The following MROH1 variants were observed in gnomAD, a reference collection of about 807,000 sequenced individuals.
MROH1 encodes maestro heat like repeat family member 1, also known as maestro heat-like repeat-containing protein family member 1.
In MROH1, 117 loss-of-function variants were observed where a neutral mutation model predicts 116.5. That is an observed-to-expected ratio of 1.00 (90% CI 0.86 to 1.17). The LOEUF (loss-of-function observed/expected upper bound fraction) is 1.17, where lower values mean the gene tolerates loss of function less well. MROH1 is among the 50% of genes most tolerant of loss of function. MROH1 has a pLI of 0.00. For missense variants in MROH1, 1,873 were observed against 1,338.5 expected (o/e 1.40, Z -6.23); for synonymous variants, 921 against 583.9 (o/e 1.58, Z -8.32).
At chr8:144,248,280 A>G (rs1842242298) in intron 31 of MROH1, among the ~76,000 whole-genome samples, 2 of 152,150 alleles carry the variant, frequency 1.3e-5, no homozygotes, top group African/African-American at 4.8e-5. Context: ...AAGCTTGAGT[A>G]TTATTAAAGT....
In MROH1 at chr8:144,260,392, G is replaced by C; in HGVS notation, c.4380+18G>C. The C allele has an allele frequency of 2.8e-6, 2 of 704,424 alleles. No homozygotes were observed. The highest frequency in any genetic ancestry group is 5.2e-6 in the Non-Finnish European group (2 of 385,298). 43.6% of individuals were successfully genotyped at this position (704,424 alleles called of 1,614,324 possible). A position where few individuals can be genotyped will look rare whatever the true frequency, so the allele number is the denominator to read the frequency against. Reference sequence around the variant, plus strand: ...TCGACAGTGTAGGCTGGTTGGGGCAGGGGGAGGGAAGAGGGCCCCAGCCCT... The same window carrying C: ...TCGACAGTGTAGGCTGGTTGGGGCACGGGGAGGGAAGAGGGCCCCAGCCCT... On this transcript the variant is annotated intron_variant, in intron 39 of 43. Transcript: ENST00000326134.
chr8:144,260,305 G>C lies in MROH1; in HGVS notation c.4311G>C (p.Leu1437=), dbSNP rs1031432376. 2.3e-5 allele frequency: 17 copies of C among 752,390 alleles called. No homozygotes were observed. Among genetic ancestry groups the C allele is most frequent in the African/African-American group, 2.2e-4 (13 of 58,674 alleles). The allele number at this position is 752,390 out of a possible 1,614,324, so 46.6% of individuals were successfully genotyped here. A position where few individuals can be genotyped will look rare whatever the true frequency, so the allele number is the denominator to read the frequency against. Residue 1437 remains leucine, a synonymous_variant, in exon 39 of 44, where the codon CTG becomes CTC. Coordinates refer to ENST00000326134, the MANE Select transcript of MROH1 (RefSeq NM_032450.3). ...TGGGCCTTGCGAGGCTGGTGCACCT[G>C]GTGGAGTCCTGGGACCTGCGCTCAG... ...AMLGLARLVH[L]VESWDLRSGL... is the part of the protein sequence containing the mutation.
intron 4 of MROH1, among the ~76,000 whole-genome samples, chr8:144,177,841 C>T (rs1258030607): frequency 6.6e-6 from 1 of 152,322 alleles, no homozygotes; most frequent in Admixed American, 6.5e-5. Context: ...CCTGCTTCTG[C>T]TTCATTTTCC....
At chr8:144,228,557 G>A (rs578178015) in intron 14 of MROH1, among the ~76,000 whole-genome samples, 1 of 152,232 alleles carries the variant, frequency 6.6e-6, no homozygotes, top group South Asian at 2.1e-4. Context: ...TCCACCTCCC[G>A]GGTTCAAGCA....
intron 39 of MROH1, 130 bp downstream of exon 39, chr8:144,260,504 C>T (rs939171507): frequency 5.9e-5 from 42 of 709,632 alleles, no homozygotes; most frequent in Admixed American, 4.9e-4. Flanking sequence ...GAGCGCGGAC[C>T]TGCAGGGCTG....
chr8:144,162,597 A>G (rs1819816222), intron 2 of MROH1, among the ~76,000 whole-genome samples: 1 of 150,802 alleles, frequency 6.6e-6, no homozygotes, highest in Non-Finnish European at 1.5e-5. Context: ...GTGTGTCACC[A>G]TGTTGGCCAG....
intron 1 of MROH1, among the ~76,000 whole-genome samples, chr8:144,155,244 C>T (rs1265018624): frequency 5.9e-5 from 9 of 152,166 alleles, no homozygotes; most frequent in African/African-American, 2.2e-4. Flanking sequence ...AGCCACCGCA[C>T]CCGGCCTCTC....
In MROH1 at chr8:144,238,648, C is replaced by T. The variant is rs1840445550; in HGVS notation, c.1339-108C>T. Reference sequence around the variant, plus strand: ...CTGTGGCAGGTGGTGCACATGTCTGCGTGACCTGCGGCGAGGCTCAGGGTC... The same window carrying T: ...CTGTGGCAGGTGGTGCACATGTCTGTGTGACCTGCGGCGAGGCTCAGGGTC... On this transcript the variant is annotated intron_variant, in intron 14 of 43. Transcript: ENST00000326134. 1.3e-5 allele frequency: 9 copies of T among 694,046 alleles called. No individual in the cohort carries two copies. The East Asian group carries it at 1.6e-4, about 12-fold the overall frequency. 43.0% of individuals were successfully genotyped at this position (694,046 alleles called of 1,614,324 possible). A position where few individuals can be genotyped will look rare whatever the true frequency, so the allele number is the denominator to read the frequency against.
intron 29 of MROH1, among the ~76,000 whole-genome samples, chr8:144,246,738 G>A (rs1372547476): frequency 2.6e-5 from 4 of 152,224 alleles, no homozygotes; most frequent in Non-Finnish European, 5.9e-5. Flanking sequence ...CTCGCACGTG[G>A]GGGCTGAAAA....
intron 14 of MROH1, among the ~76,000 whole-genome samples, chr8:144,234,251 C>T (rs1425232815): frequency 4.6e-5 from 7 of 151,954 alleles, no homozygotes; most frequent in Admixed American, 3.3e-4. Flanking sequence ...CCTCGTGATC[C>T]GCCGGCCTCG....
chr8:144,168,164 C>T (rs1821419758), intron 3 of MROH1, 131 bp from the exon 4 acceptor site: 1 of 1,071,254 alleles, frequency 9.3e-7, no homozygotes, highest in East Asian at 2.7e-5. Flanking sequence ...GAGAAAGCAG[C>T]TGTGCCCTCT....
chr8:144,210,745 A>C (rs1833931498), intron 12 of MROH1, among the ~76,000 whole-genome samples: 1 of 152,110 alleles, frequency 6.6e-6, no homozygotes, highest in Non-Finnish European at 1.5e-5. Context: ...TAGAGATAAT[A>C]ATGTATAAAT....
At chr8:144,241,305 T>A in intron 21 of MROH1, 90 bp from the exon 22 acceptor site, 2 of 708,478 alleles carry the variant, frequency 2.8e-6, no homozygotes, top group Non-Finnish European at 5.3e-6. Flanking sequence ...TGTGTACATG[T>A]GGGTGTGCCC....
At chr8:144,191,587 C>T (rs1828612531) in intron 8 of MROH1, 128 bp from the exon 9 acceptor site, 1 of 1,292,664 alleles carries the variant, frequency 7.7e-7, no homozygotes. Context: ...GGCTCACGTC[C>T]CAGCCCCCGT....
intron 12 of MROH1, among the ~76,000 whole-genome samples, chr8:144,205,242 C>T (rs2131967458): frequency 6.6e-6 from 1 of 152,274 alleles, no homozygotes; most frequent in South Asian, 2.1e-4. Context: ...CAAGTTGAGG[C>T]CGTGGTTGGT....
In MROH1 at chr8:144,257,869, G is replaced by T. The variant is rs1019936375; in HGVS notation, c.3792-908G>T. On this transcript the variant is annotated intron_variant, in intron 35 of 43. Transcript: ENST00000326134. ...GTGGGGACAGAGGTCCAAAGGCGGCGGGGGCCTAAGTGTGAGGTGCTCGAG... is the reference window on the plus strand; with the variant it reads ...GTGGGGACAGAGGTCCAAAGGCGGCTGGGGCCTAAGTGTGAGGTGCTCGAG... Among the ~76,000 whole-genome samples, 241 of 152,376 alleles carry T rather than the reference G, an allele frequency of 1.6e-3. 1 individual carries two copies. The highest frequency in any genetic ancestry group is 5.0e-3 in the African/African-American group (210 of 41,594).
intron 33 of MROH1, 35 bp downstream of exon 33, chr8:144,250,401 C>G (rs993129056): frequency 4.3e-5 from 32 of 737,878 alleles, no homozygotes; most frequent in South Asian, 3.4e-4. Context: ...AGGGGTCCCT[C>G]TGGAATGATG....
At position 144,177,305 on chromosome 8, in the gene MROH1, G is replaced by T. The variant is rs923150093; in HGVS notation, c.169-2150G>T. On this transcript the variant is annotated intron_variant, in intron 4 of 43. Coordinates refer to ENST00000326134, the MANE Select transcript of MROH1 (RefSeq NM_032450.3). ...CGTGCGGCACGTGTATGTGGGCCTG[G>T]GAGCTGCCTGGCGCTGCCCCGTCAC... Among the ~76,000 whole-genome samples, 3 of 152,204 alleles carry T rather than the reference G, an allele frequency of 2.0e-5. No homozygotes were observed. In the South Asian group the frequency reaches 6.2e-4, roughly 32 times the overall value.
At chr8:144,254,398 C>T (rs1280796077) in intron 33 of MROH1, 8 of 168,700 alleles carry the variant, frequency 4.7e-5, no homozygotes, top group East Asian at 3.4e-4. Flanking sequence ...CCTCACGGTG[C>T]GTCTGCGGTG....
Sources: gnomAD v4.1 joint callset for allele counts (sites outside exome capture counted in the v4.1 genomes callset) on GRCh38, gnomAD v4.1.1 for gene constraint, MANE v1.5 for transcripts, NCBI Gene and HGNC (gene_info 2026-07-23, HGNC 2026-07-21) for gene names.